TRMT11: variants seen among roughly 807,000 people sequenced by gnomAD.
TRMT11 encodes tRNA methyltransferase 11.
TRMT11 carries 53 observed loss-of-function variants against 62.8 expected under a neutral mutation model. The ratio of observed to expected loss-of-function variants is 0.84; its 90% CI spans 0.68 to 1.06. The LOEUF is 1.06. Among genes scored for constraint, TRMT11 ranks in the 50% least tolerant of loss-of-function variants. The pLI, the probability that TRMT11 is intolerant of heterozygous loss-of-function variation, is 0.00. For missense variants in TRMT11, 556 were observed against 553.4 expected (o/e 1.00, Z -0.05); for synonymous variants, 188 against 190.3 (o/e 0.99, Z 0.10).
chr6:126,076,861 C>G (rs1777039490), intron 17 of TRMT11, among the ~76,000 whole-genome samples: 1 of 152,070 alleles, frequency 6.6e-6, no homozygotes, highest in South Asian at 2.1e-4. Context: ...ATCATTTCCA[C>G]CTGTGAGGAA....
At chr6:126,094,054 A>C (rs534101569) in intron 17 of TRMT11, among the ~76,000 whole-genome samples, 1 of 152,008 alleles carries the variant, frequency 6.6e-6, no homozygotes, top group Non-Finnish European at 1.5e-5. Context: ...TCCTTAATTC[A>C]TGATTATCTA....
At chr6:126,117,586 A>AT (rs1372716012) in intron 21 of TRMT11, among the ~76,000 whole-genome samples, 3 of 151,980 alleles carry the variant, frequency 2.0e-5, no homozygotes, top group East Asian at 1.9e-4. Flanking sequence ...GTTTTTTTGC[A>AT]TTTTTTGTGA....
At chr6:126,240,153 A>C in the TRMT11 span, among the ~76,000 whole-genome samples, 1 of 152,248 alleles carries the variant, frequency 6.6e-6, no homozygotes, top group African/African-American at 2.4e-5. Context: ...CGTGGGTTCA[A>C]ACTTCCTCCT....
intron 12 of TRMT11, among the ~76,000 whole-genome samples, chr6:126,037,470 G>C (rs1219140091): frequency 1.3e-5 from 2 of 152,024 alleles, no homozygotes; most frequent in Non-Finnish European, 2.9e-5. Context: ...GTAGACTGAA[G>C]TTATTAATAG....
intron 21 of TRMT11, among the ~76,000 whole-genome samples, chr6:126,126,194 G>A (rs893847750): frequency 2.0e-5 from 3 of 151,986 alleles, no homozygotes; most frequent in Non-Finnish European, 4.4e-5. Flanking sequence ...AATTCCTAAA[G>A]GAATACTAAT....
chr6:126,221,098 C>A, the TRMT11 span, among the ~76,000 whole-genome samples: 1 of 152,074 alleles, frequency 6.6e-6, no homozygotes. Context: ...AATTTCATTC[C>A]TTTTCATGAC....
chr6:126,127,448 T>A (rs1355054627), intron 21 of TRMT11, among the ~76,000 whole-genome samples: 1 of 152,098 alleles, frequency 6.6e-6, no homozygotes, highest in Non-Finnish European at 1.5e-5. Flanking sequence ...GGTTTTCTTT[T>A]TCTTTCTCTT....
upstream of TRMT11, among the ~76,000 whole-genome samples, chr6:126,174,426 T>A (rs1275108258): frequency 6.6e-6 from 1 of 152,156 alleles, no homozygotes; most frequent in Non-Finnish European, 1.5e-5. Flanking sequence ...GCCCTTCAAT[T>A]TACCAAAATA....
the TRMT11 span, among the ~76,000 whole-genome samples, chr6:126,268,648 C>T: frequency 2.6e-5 from 4 of 152,120 alleles, no homozygotes; most frequent in African/African-American, 9.7e-5. Flanking sequence ...GCTGCAGTGG[C>T]CTACACTCCC....
intron 17 of TRMT11, among the ~76,000 whole-genome samples, chr6:126,074,220 A>G (rs115117683): frequency 3.1e-4 from 47 of 152,312 alleles, no homozygotes; most frequent in African/African-American, 1.0e-3. Flanking sequence ...ACGGAGGACA[A>G]TGCCGAGGTA....
At chr6:126,053,814 G>T (rs527981460) in intron 17 of TRMT11, among the ~76,000 whole-genome samples, 30 of 152,248 alleles carry the variant, frequency 2.0e-4, no homozygotes, top group African/African-American at 7.0e-4. Flanking sequence ...TTAAAAACAC[G>T]TGAGAGAGGA....
chr6:126,052,218 A>G (rs944666471), intron 16 of TRMT11, among the ~76,000 whole-genome samples: 3 of 152,182 alleles, frequency 2.0e-5, no homozygotes, highest in African/African-American at 7.2e-5. Context: ...TTAGTGAGCT[A>G]CATTGTAGAG....
intron 16 of TRMT11, among the ~76,000 whole-genome samples, chr6:126,051,790 C>T (rs1414213622): frequency 6.6e-6 from 1 of 152,080 alleles, no homozygotes; most frequent in Non-Finnish European, 1.5e-5. Flanking sequence ...ACATCCTGAA[C>T]AAGAGGAGCC....
chr6:126,191,743 T>C (rs763949017), intron 1 of TRMT11, among the ~76,000 whole-genome samples: 1 of 152,056 alleles, frequency 6.6e-6, no homozygotes, highest in Non-Finnish European at 1.5e-5. Context: ...TTGTCAAAAA[T>C]GAGTTGTCTA....
intron 17 of TRMT11, among the ~76,000 whole-genome samples, chr6:126,057,181 T>A (rs1776397228): frequency 6.6e-6 from 1 of 152,212 alleles, no homozygotes. Flanking sequence ...GGGAGAGAGT[T>A]CAAGGTTGAC....
At chr6:126,095,102 G>A (rs2128172480) in intron 17 of TRMT11, among the ~76,000 whole-genome samples, 1 of 152,190 alleles carries the variant, frequency 6.6e-6, no homozygotes, top group East Asian at 1.9e-4. Flanking sequence ...GTCTGGCGCT[G>A]ACCTTGTAAT....
chr6:126,054,891 C>T (rs1171997309), intron 17 of TRMT11, among the ~76,000 whole-genome samples: 1 of 152,230 alleles, frequency 6.6e-6, no homozygotes, highest in Non-Finnish European at 1.5e-5. Context: ...ACTCCCAACA[C>T]GTCTCTTTCG....
chr6:126,123,816 A>G (rs904533521), intron 21 of TRMT11, among the ~76,000 whole-genome samples: 21 of 152,180 alleles, frequency 1.4e-4, no homozygotes, highest in African/African-American at 4.6e-4. Context: ...TTACTTTCAT[A>G]TATTGAAACT....
intron 3 of TRMT11, 101 bp downstream of exon 3, chr6:125,996,141 G>A: frequency 1.3e-6 from 1 of 743,682 alleles, no homozygotes; most frequent in Non-Finnish European, 2.2e-6. Flanking sequence ...GCTCAGTTTA[G>A]CTTGCAGTTA....
Sources: gnomAD v4.1 joint callset for allele counts (sites outside exome capture counted in the v4.1 genomes callset) on GRCh38, gnomAD v4.1.1 for gene constraint, MANE v1.5 for transcripts, NCBI Gene and HGNC (gene_info 2026-07-23, HGNC 2026-07-21) for gene names.